Variants in XKR4 observed in about 807,000 individuals in gnomAD.
The protein encoded by XKR4 is XK-related protein 4.
XKR4 carries 12 observed loss-of-function variants against 53.9 expected under a neutral mutation model. The ratio of observed to expected loss-of-function variants is 0.22; its 90% CI spans 0.14 to 0.36. XKR4 has a LOEUF of 0.36. Ranked by LOEUF, XKR4 falls within the 10% of genes least tolerant of loss-of-function variation. The pLI, the probability that XKR4 is intolerant of heterozygous loss-of-function variation, is 1.00. For synonymous variants in XKR4, 354 were observed against 362.4 expected (o/e 0.98, Z 0.26); for missense variants, 799 against 859.5 (o/e 0.93, Z 0.88).
intron 1 of XKR4, among the ~76,000 whole-genome samples, chr8:55,229,719 C>T (rs1818005073): frequency 6.6e-6 from 1 of 152,158 alleles, no homozygotes; most frequent in East Asian, 1.9e-4. Flanking sequence ...TCTCTTCTTG[C>T]GTCTACTACA....
chr8:55,313,546 G>C (rs919266352), intron 1 of XKR4, among the ~76,000 whole-genome samples: 2 of 152,172 alleles, frequency 1.3e-5, no homozygotes, highest in Non-Finnish European at 2.9e-5. Context: ...CTGAGAGAGA[G>C]AGCAGGGTAC....
intron 2 of XKR4, among the ~76,000 whole-genome samples, chr8:55,412,522 C>A (rs6982536): frequency 6.6e-6 from 1 of 152,162 alleles, no homozygotes; most frequent in Admixed American, 6.5e-5. Flanking sequence ...TTGCACCCGG[C>A]GCTGCGGTTT....
intron 1 of XKR4, among the ~76,000 whole-genome samples, chr8:55,188,808 T>C (rs548060935): frequency 2.5e-4 from 38 of 152,184 alleles, no homozygotes; most frequent in Non-Finnish European, 4.3e-4. Context: ...ATCTATAAAA[T>C]GGCAATAATA....
intron 1 of XKR4, among the ~76,000 whole-genome samples, chr8:55,252,786 G>C (rs933538282): frequency 5.3e-5 from 8 of 152,232 alleles, no homozygotes; most frequent in African/African-American, 1.9e-4. Context: ...CCTGCTCAAA[G>C]TCTGTGAGGA....
At chr8:55,319,226 A>G (rs1803170013) in intron 1 of XKR4, among the ~76,000 whole-genome samples, 1 of 152,158 alleles carries the variant, frequency 6.6e-6, no homozygotes, top group Admixed American at 6.5e-5. Flanking sequence ...CTTTAAAAAA[A>G]TCAAAAGAAA....
intron 2 of XKR4, among the ~76,000 whole-genome samples, chr8:55,359,801 GA>G (rs146962620): frequency 0.051 from 7,569 of 148,820 alleles, 482 homozygotes; most frequent in African/African-American, 0.16. Context: ...AAATTGTACA[GA>G]AAAAAAAAAT....
At chr8:55,209,069 A>C (rs1563483490) in intron 1 of XKR4, among the ~76,000 whole-genome samples, 1 of 152,318 alleles carries the variant, frequency 6.6e-6, no homozygotes, top group Middle Eastern at 3.4e-3. Context: ...CCTGTGGCTC[A>C]TAGGCAACCA....
rs555060774 is a variant in XKR4 at position 55,531,792 on chromosome 8, A to G, written c.*7565A>G. 11 of 152,356 alleles carry G rather than the reference A, an allele frequency of 7.2e-5. No homozygotes were observed. The East Asian group carries it at 1.5e-3, about 21-fold the overall frequency. The allele number at this position is 152,356 out of a possible 1,614,324, so 9.4% of individuals were successfully genotyped here. A position where few individuals can be genotyped will look rare whatever the true frequency, so the allele number is the denominator to read the frequency against. ...TTTTTCAAGAAAGCATTCTTCACTA[A>G]CTGTATTTCTCCAGCATACTGGTTA... On this transcript the variant is annotated 3_prime_UTR_variant, in exon 3 of 3. Transcript: ENST00000327381.
intron 1 of XKR4, among the ~76,000 whole-genome samples, chr8:55,185,406 T>C (rs999410682): frequency 6.6e-6 from 1 of 152,234 alleles, no homozygotes; most frequent in Non-Finnish European, 1.5e-5. Context: ...ATGTATTCCT[T>C]TTCAATAAAC....
intron 1 of XKR4, among the ~76,000 whole-genome samples, chr8:55,139,588 CAG>C (rs1042885646): frequency 1.7e-4 from 26 of 150,936 alleles, no homozygotes; most frequent in Non-Finnish European, 3.7e-4. Context: ...ACAGATGACT[CAG>C]AGAACATCCT....
intron 2 of XKR4, among the ~76,000 whole-genome samples, chr8:55,516,515 A>T (rs1806716234): frequency 6.6e-6 from 1 of 152,202 alleles, no homozygotes; most frequent in Non-Finnish European, 1.5e-5. Flanking sequence ...TGGGGAGAGA[A>T]AAAGGGAAGT....
chr8:55,155,854 T>C (rs1039877699), intron 1 of XKR4, among the ~76,000 whole-genome samples: 1 of 152,218 alleles, frequency 6.6e-6, no homozygotes, highest in African/African-American at 2.4e-5. Context: ...AGCAGAGATA[T>C]ACTCTAAAAT....
At chr8:55,265,586 G>A (rs1335126747) in intron 1 of XKR4, among the ~76,000 whole-genome samples, 1 of 152,178 alleles carries the variant, frequency 6.6e-6, no homozygotes, top group Non-Finnish European at 1.5e-5. Context: ...GGGCATAGTG[G>A]CTCATTCCTG....
At chr8:55,391,965 G>A (rs1804449446) in intron 2 of XKR4, among the ~76,000 whole-genome samples, 1 of 152,148 alleles carries the variant, frequency 6.6e-6, no homozygotes, top group South Asian at 2.1e-4. Flanking sequence ...CTCCTATATA[G>A]GGTGTAGGAT....
rs1585618007 is a variant in XKR4 at position 55,521,755 on chromosome 8, A to G, written c.1007-1526A>G. ...TTGGGGTTGAATGTATTTCCTGTCA[A>G]TTAGTGTGGTCTTTTTCCACAAGAG... is the stretch of plus-strand genomic sequence containing the variant. On this transcript the variant is annotated intron_variant, in intron 2 of 2. Transcript: ENST00000327381. Among the ~76,000 whole-genome samples the G allele has an allele frequency of 2.0e-5, 3 of 152,336 alleles. No homozygotes were observed. In the East Asian group the frequency reaches 5.8e-4, roughly 29 times the overall value.
chr8:55,239,011 T>C lies in XKR4; in HGVS notation c.807-118667T>C, dbSNP rs893845981. Reference sequence around the variant, plus strand: ...CTGACACATTTTATTCACACATGAGTGAATAAAATTTAAGTTCATCTTTCC... The same window carrying C: ...CTGACACATTTTATTCACACATGAGCGAATAAAATTTAAGTTCATCTTTCC... On this transcript the variant is annotated intron_variant, in intron 1 of 2. Transcript: ENST00000327381. 4.3e-4 allele frequency among the ~76,000 whole-genome samples: 66 copies of C among 152,160 alleles called. 2 individuals carry two copies. The highest frequency in any genetic ancestry group is 3.6e-3 in the Admixed American group (55 of 15,280).
intron 2 of XKR4, among the ~76,000 whole-genome samples, chr8:55,365,334 G>T (rs1344403964): frequency 6.6e-6 from 1 of 152,230 alleles, no homozygotes; most frequent in Non-Finnish European, 1.5e-5. Context: ...ATCATTAGCT[G>T]CTGGATTTTG....
At chr8:55,153,585 T>A (rs894098492) in intron 1 of XKR4, among the ~76,000 whole-genome samples, 1 of 152,236 alleles carries the variant, frequency 6.6e-6, no homozygotes, top group African/African-American at 2.4e-5. Flanking sequence ...TGTTTCTTCA[T>A]ACTTTATGAT....
intron 2 of XKR4, among the ~76,000 whole-genome samples, chr8:55,362,319 GGT>G (rs1473575044): frequency 6.6e-6 from 1 of 152,078 alleles, no homozygotes; most frequent in Non-Finnish European, 1.5e-5. Context: ...TGAATTAAGG[GGT>G]GTGTGTTAGA....
Sources: gnomAD v4.1 joint callset for allele counts (sites outside exome capture counted in the v4.1 genomes callset) on GRCh38, gnomAD v4.1.1 for gene constraint, MANE v1.5 for transcripts, NCBI Gene and HGNC (gene_info 2026-07-23, HGNC 2026-07-21) for gene names.